The following ZMYND11 variants were observed in gnomAD, a reference collection of about 807,000 sequenced individuals.
The protein encoded by ZMYND11 is zinc finger MYND-type containing 11, also known as zinc finger MYND domain-containing protein 11.
Under a neutral mutation model 84.9 loss-of-function variants are expected in ZMYND11, and 9 were observed. The observed-to-expected ratio is 0.11, with a 90% CI of 0.06 to 0.18. The LOEUF (loss-of-function observed/expected upper bound fraction) is 0.18, where lower values mean the gene tolerates loss of function less well. Among genes scored for constraint, ZMYND11 ranks in the 10% least tolerant of loss-of-function variants. The pLI is 1.00. For missense variants in ZMYND11, 409 were observed against 761.0 expected (o/e 0.54, Z 5.44); for synonymous variants, 250 against 244.1 (o/e 1.02, Z -0.23).
chr10:215,766 T>C (rs1339697897), intron 3 of ZMYND11, among the ~76,000 whole-genome samples: 12 of 151,876 alleles, frequency 7.9e-5, no homozygotes, highest in African/African-American at 2.9e-4. Flanking sequence ...CTATGTTGCC[T>C]AGGATGGTCT....
chr10:161,711 A>C (rs1554761919), intron 1 of ZMYND11, among the ~76,000 whole-genome samples: 1 of 152,188 alleles, frequency 6.6e-6, no homozygotes, highest in Non-Finnish European at 1.5e-5. Context: ...CTACCTCTGC[A>C]ATCTTCAGAC....
At chr10:153,073 C>T (rs1840801676) in intron 1 of ZMYND11, among the ~76,000 whole-genome samples, 2 of 152,310 alleles carry the variant, frequency 1.3e-5, no homozygotes, top group South Asian at 4.1e-4. Context: ...TTCCTATTGT[C>T]TCTCTGCCCT....
At chr10:184,266 T>C (rs1304060833) in intron 2 of ZMYND11, among the ~76,000 whole-genome samples, 4 of 152,214 alleles carry the variant, frequency 2.6e-5, no homozygotes, top group African/African-American at 9.6e-5. Flanking sequence ...AAATATTCTA[T>C]ATACCATGTA....
chr10:237,693 T>C lies in ZMYND11; in HGVS notation c.609+16T>C, dbSNP rs1448253667. 1 of 1,584,694 alleles carries C rather than the reference T, an allele frequency of 6.3e-7. No homozygotes were observed. The highest frequency in any genetic ancestry group is 8.6e-7 in the Non-Finnish European group (1 of 1,162,584). On this transcript the variant is annotated intron_variant, in intron 6 of 14. Coordinates refer to ENST00000381604, the MANE Select transcript of ZMYND11 (RefSeq NM_001370100.5). Reference sequence around the variant, plus strand: ...CATTCAAGAGGTAAAGTCGGTTTCTTTTATTTCCACTTCAAGTACATTTTC... The same window carrying C: ...CATTCAAGAGGTAAAGTCGGTTTCTCTTATTTCCACTTCAAGTACATTTTC...
At chr10:237,406 G>T (rs980027657) in intron 5 of ZMYND11, among the ~76,000 whole-genome samples, 179 bp from the exon 6 acceptor site, 4 of 152,210 alleles carry the variant, frequency 2.6e-5, no homozygotes, top group Non-Finnish European at 4.4e-5. Context: ...ACTTTGGGAG[G>T]CCAAGGCAGG....
chr10:136,388 T>C (rs1836064780), intron 1 of ZMYND11, among the ~76,000 whole-genome samples: 1 of 152,230 alleles, frequency 6.6e-6, no homozygotes, highest in Non-Finnish European at 1.5e-5. Context: ...TGTGTACCAG[T>C]GCTCGTTGTG....
At chr10:176,362 C>T (rs1392557575) in intron 1 of ZMYND11, among the ~76,000 whole-genome samples, 1 of 151,990 alleles carries the variant, frequency 6.6e-6, no homozygotes, top group African/African-American at 2.4e-5. Context: ...TGTGTTGGAG[C>T]AGAACAAAGA....
rs1402639683 is a variant in ZMYND11, at chr10:246,752, T to C, written c.951-14T>C. 2.5e-6 allele frequency: 4 copies of C among 1,613,208 alleles called. No individual in the cohort carries two copies. The South Asian group carries it at 4.4e-5, about 18-fold the overall frequency. The stretch of plus-strand genomic sequence containing the variant: ...TGGGATGTTTCTAACTATACCTTTA[T>C]GTGTTTTTCCTAGGGCCTGGATTCC... On this transcript the variant is annotated splice_polypyrimidine_tract_variant and intron_variant, in intron 10 of 14. Transcript: ENST00000381604.
chr10:226,560 T>G (rs1948174533), intron 4 of ZMYND11, among the ~76,000 whole-genome samples: 1 of 152,176 alleles, frequency 6.6e-6, no homozygotes, highest in South Asian at 2.1e-4. Context: ...TTCAGATAAA[T>G]GCAGTTTTCA....
chr10:208,866 T>G (rs1256471064), intron 2 of ZMYND11, among the ~76,000 whole-genome samples: 2 of 152,198 alleles, frequency 1.3e-5, no homozygotes, highest in Non-Finnish European at 2.9e-5. Context: ...CTCCCCTGAC[T>G]TCTAGCGTGG....
At chr10:247,717 G>A (rs1055899277) in intron 12 of ZMYND11, among the ~76,000 whole-genome samples, 1 of 152,120 alleles carries the variant, frequency 6.6e-6, no homozygotes, top group Non-Finnish European at 1.5e-5. Flanking sequence ...ACCAAAGCTT[G>A]GCTAAGTAGG....
intron 2 of ZMYND11, among the ~76,000 whole-genome samples, chr10:195,807 G>C (rs986839365): frequency 1.3e-5 from 2 of 152,136 alleles, no homozygotes; most frequent in Non-Finnish European, 2.9e-5. Flanking sequence ...TAACATAGGA[G>C]GTGATTTAAC....
At chr10:150,833 C>T (rs932624147) in intron 1 of ZMYND11, among the ~76,000 whole-genome samples, 5 of 152,192 alleles carry the variant, frequency 3.3e-5, no homozygotes, top group Non-Finnish European at 7.3e-5. Context: ...GAGGCACCCC[C>T]CAGCAGGGGC....
chr10:187,604 G>A lies in ZMYND11; in HGVS notation c.116+7476G>A, dbSNP rs574575288. ...AGCCGAGATTGCGCCACTGCAATCC[G>A]GCCTGGGCTAAACAGCGGGACTCCG... On this transcript the variant is annotated intron_variant, in intron 2 of 14. Coordinates refer to ENST00000381604, the MANE Select transcript of ZMYND11 (RefSeq NM_001370100.5). Among the ~76,000 whole-genome samples, 116 of 149,634 alleles carry A rather than the reference G, an allele frequency of 7.8e-4. 3 individuals carry two copies. The Middle Eastern group carries it at 0.014, about 18-fold the overall frequency.
At chr10:167,406 A>G (rs10903480) in intron 1 of ZMYND11, among the ~76,000 whole-genome samples, 44,594 of 152,014 alleles carry the variant, frequency 0.29, 6,992 homozygotes, top group East Asian at 0.48. Flanking sequence ...ATTTTGTTTT[A>G]TAAACTGTTT....
chr10:239,375 T>C, intron 6 of ZMYND11, 63 bp from the exon 7 acceptor site: 1 of 1,334,894 alleles, frequency 7.5e-7, no homozygotes, highest in African/African-American at 1.4e-5. Flanking sequence ...TCCTGTGAAC[T>C]TAGTCCAGAC....
At chr10:150,641 G>A (rs1840108897) in intron 1 of ZMYND11, among the ~76,000 whole-genome samples, 1 of 152,110 alleles carries the variant, frequency 6.6e-6, no homozygotes, top group Non-Finnish European at 1.5e-5. Context: ...GCCTGCCTCT[G>A]TAGACCACCT....
chr10:146,593 C>A (rs7918734), intron 1 of ZMYND11, among the ~76,000 whole-genome samples: 141,387 of 152,228 alleles, frequency 0.93, 66,014 homozygotes, highest in Non-Finnish European at 0.98. Context: ...CTCCTCTGTT[C>A]ATATACTCCT....
chr10:139,410 A>G (rs1003535981), intron 1 of ZMYND11, among the ~76,000 whole-genome samples: 3 of 152,148 alleles, frequency 2.0e-5, no homozygotes, highest in African/African-American at 7.2e-5. Flanking sequence ...TTCTACCAAT[A>G]TCTCTTACAT....
Sources: allele counts gnomAD v4.1 joint callset (sites outside exome capture counted in the v4.1 genomes callset), GRCh38; gene constraint gnomAD v4.1.1; transcripts MANE v1.5; gene names NCBI Gene and HGNC (gene_info 2026-07-23, HGNC 2026-07-21).